The following ARHGAP22 variants were observed in gnomAD, a reference collection of about 807,000 sequenced individuals.
ARHGAP22 encodes Rho GTPase activating protein 22, also known as rho GTPase-activating protein 22.
ARHGAP22 carries 48 observed loss-of-function variants against 59.1 expected under a neutral mutation model. The ratio of observed to expected loss-of-function variants is 0.81; its 90% confidence interval spans 0.64 to 1.03. The LOEUF (loss-of-function observed/expected upper bound fraction) is 1.03. Among genes scored for constraint, ARHGAP22 ranks in the 50% least tolerant of loss-of-function variants. ARHGAP22 has a pLI of 0.00. For synonymous variants in ARHGAP22, 445 were observed against 416.4 expected, an observed-to-expected ratio of 1.07 and a Z score of -0.84; for missense variants, 1,015 against 958.7, an observed-to-expected ratio of 1.06 and a Z score of -0.78.
intron 2 of ARHGAP22, among the ~76,000 whole-genome samples, chr10:48,564,246 A>C (rs2057901324): frequency 6.6e-6 from 1 of 152,250 alleles, no homozygotes; most frequent in South Asian, 2.1e-4. Context: ...TTTACTACAC[A>C]AAATGAGAAA....
At position 48,604,792 on chromosome 10, in the gene ARHGAP22, A is replaced by C; in HGVS notation, c.5T>G (p.Leu2Arg). Residue 2 changes from leucine (L) to arginine (R), a missense_variant, in exon 1 of 10, where the codon CTG becomes CGG. Leu to Arg is a moderately radical substitution (Grantham distance 102). Transcript: ENST00000249601. M[L>R]SPKIRQARRA... The stretch of plus-strand genomic sequence containing the variant: ...CCTGGCCTGCCTGATCTTTGGGCTC[A>C]GCATGTTCTTGCAGCCGTCCGGCCA... 6.2e-7 allele frequency: 1 copy of C among 1,614,190 alleles called. No individual in the cohort carries two copies. Among genetic ancestry groups the C allele is most frequent in the Non-Finnish European group, 8.5e-7 (1 of 1,180,028 alleles).
chr10:48,516,065 T>TTAAAAATC (rs58405354), intron 3 of ARHGAP22, among the ~76,000 whole-genome samples: 1,654 of 151,422 alleles, frequency 0.011, 33 homozygotes, highest in African/African-American at 0.038. Context: ...TAGGAAAAAT[T>TTAAAAATC]TAAAAATCTA....
intron 2 of ARHGAP22, among the ~76,000 whole-genome samples, chr10:48,559,896 G>T (rs1021225262): frequency 1.1e-4 from 17 of 152,090 alleles, no homozygotes; most frequent in Non-Finnish European, 2.2e-4. Context: ...GATTTACATT[G>T]CAAGTTTTTA....
intron 2 of ARHGAP22, among the ~76,000 whole-genome samples, chr10:48,560,105 C>A (rs573805471): frequency 6.6e-6 from 1 of 152,274 alleles, no homozygotes; most frequent in South Asian, 2.1e-4. Context: ...AGTTTGCTAA[C>A]CATCTGATCT....
At chr10:48,491,088 C>G (rs1407326290) in intron 3 of ARHGAP22, among the ~76,000 whole-genome samples, 3 of 152,196 alleles carry the variant, frequency 2.0e-5, no homozygotes, top group Admixed American at 1.3e-4. Flanking sequence ...AGTTGAGCAG[C>G]CACAGAGACC....
chr10:48,566,088 G>C (rs75252727), intron 2 of ARHGAP22, among the ~76,000 whole-genome samples: 50,838 of 151,936 alleles, frequency 0.33, 9,622 homozygotes, highest in East Asian at 0.89. Context: ...TCAAAGACTG[G>C]CTCTCTGGGA....
At chr10:48,631,979 T>C (rs1285200795) in intron 1 of ARHGAP22, among the ~76,000 whole-genome samples, 1 of 152,220 alleles carries the variant, frequency 6.6e-6, no homozygotes, top group Non-Finnish European at 1.5e-5. Flanking sequence ...AAAATTATTT[T>C]TCTATTTCAA....
intron 1 of ARHGAP22, among the ~76,000 whole-genome samples, chr10:48,641,681 G>A (rs575973366): frequency 4.6e-5 from 7 of 152,268 alleles, no homozygotes; most frequent in African/African-American, 7.2e-5. Context: ...TTGAAAACTG[G>A]CACAAGACAG....
At chr10:48,454,278 A>G in intron 6 of ARHGAP22, 117 bp from the exon 7 acceptor site, 3 of 930,992 alleles carry the variant, frequency 3.2e-6, no homozygotes, top group Middle Eastern at 4.9e-4. Flanking sequence ...CCCAGCCCCA[A>G]CAGACCAGAG....
At chr10:48,500,249 T>C (rs983893957) in intron 3 of ARHGAP22, among the ~76,000 whole-genome samples, 7 of 151,958 alleles carry the variant, frequency 4.6e-5, no homozygotes, top group African/African-American at 1.7e-4. Context: ...GAGGCTGAGG[T>C]AGGAGGGTAA....
At chr10:48,588,099 A>G (rs907422161) in intron 1 of ARHGAP22, among the ~76,000 whole-genome samples, 3 of 152,262 alleles carry the variant, frequency 2.0e-5, no homozygotes, top group Admixed American at 1.3e-4. Flanking sequence ...AGGTGGGCAC[A>G]TTCTGTGCCC....
At chr10:48,545,391 G>A (rs189417562) in intron 3 of ARHGAP22, among the ~76,000 whole-genome samples, 277 of 152,324 alleles carry the variant, frequency 1.8e-3, no homozygotes, top group African/African-American at 6.5e-3. Context: ...GCTAAGACAG[G>A]AGAACCCCAC....
intron 3 of ARHGAP22, among the ~76,000 whole-genome samples, chr10:48,541,917 C>A (rs573733992): frequency 6.6e-6 from 1 of 152,312 alleles, no homozygotes; most frequent in African/African-American, 2.4e-5. Context: ...GGCCCCTTTG[C>A]CGTATTGGAT....
chr10:48,606,496 A>G (rs2060679444), upstream of ARHGAP22, among the ~76,000 whole-genome samples: 1 of 152,136 alleles, frequency 6.6e-6, no homozygotes, highest in South Asian at 2.1e-4. Flanking sequence ...CCTTGGCATA[A>G]CATTCCAGGT....
chr10:48,640,070 C>G (rs1431673403), intron 1 of ARHGAP22, among the ~76,000 whole-genome samples: 1 of 152,002 alleles, frequency 6.6e-6, no homozygotes, highest in Non-Finnish European at 1.5e-5. Context: ...CATTCAATAA[C>G]TAAAATAAAA....
At chr10:48,466,055 G>A (rs1393527226) in intron 4 of ARHGAP22, among the ~76,000 whole-genome samples, 1 of 152,092 alleles carries the variant, frequency 6.6e-6, no homozygotes, top group Non-Finnish European at 1.5e-5. Flanking sequence ...CACCCGTCCA[G>A]GCCTGGAGGA....
intron 3 of ARHGAP22, among the ~76,000 whole-genome samples, chr10:48,513,358 G>A (rs1176806912): frequency 2.6e-5 from 4 of 152,238 alleles, no homozygotes; most frequent in Non-Finnish European, 5.9e-5. Context: ...GGAAAGACGT[G>A]AGAGGGCCTC....
chr10:48,603,736 C>T (rs1379589742), intron 1 of ARHGAP22, among the ~76,000 whole-genome samples: 1 of 152,220 alleles, frequency 6.6e-6, no homozygotes, highest in Non-Finnish European at 1.5e-5. Context: ...GAAAGCACCC[C>T]ACAGAGGGGT....
chr10:48,450,450 T>A lies in ARHGAP22; in HGVS notation c.1679A>T (p.Asp560Val). The change falls in exon 9 of 10, where the codon GAC becomes GTC. Residue 560 changes from aspartate to valine, a missense_variant. Physicochemically the swap from Asp to Val is radical, Grantham distance 152. Coordinates refer to ENST00000249601, the MANE Select transcript of ARHGAP22 (RefSeq NM_021226.4). ...GTGGTCCAGGTCCAGGGACTTGGGGTCCTCGCTGCTGCTGGGGAGCGGGGA... is the reference window on the plus strand; with the variant it reads ...GTGGTCCAGGTCCAGGGACTTGGGGACCTCGCTGCTGCTGGGGAGCGGGGA... Reference protein sequence around the residue: ...EPSPLPSSSEDPKSLDLDHSM... With the variant: ...EPSPLPSSSEVPKSLDLDHSM... 6.4e-7 allele frequency: 1 copy of A among 1,551,804 alleles called. No homozygotes were observed. Among genetic ancestry groups the A allele is most frequent in the Non-Finnish European group, 8.7e-7 (1 of 1,147,690 alleles).
Sources: allele counts gnomAD v4.1 joint callset (sites outside exome capture counted in the v4.1 genomes callset), GRCh38; gene constraint gnomAD v4.1.1; transcripts MANE v1.5; gene names NCBI Gene and HGNC (gene_info 2026-07-23, HGNC 2026-07-21).